RALGPS2: variants seen among roughly 807,000 people sequenced by gnomAD.
The protein encoded by RALGPS2 is ras-specific guanine nucleotide-releasing factor RalGPS2.
In RALGPS2, 43 loss-of-function variants were observed where a neutral mutation model predicts 86.8. The ratio of observed to expected loss-of-function variants is 0.50; its 90% CI spans 0.39 to 0.64. The LOEUF is 0.64. RALGPS2 is among the 30% of genes least tolerant of loss of function. The pLI, the probability that RALGPS2 is intolerant of heterozygous loss-of-function variation, is 0.00. For missense variants in RALGPS2, 536 were observed against 694.6 expected, an observed-to-expected ratio of 0.77 and a Z score of 2.57; for synonymous variants, 243 against 231.3, an observed-to-expected ratio of 1.05 and a Z score of -0.46.
At chr1:178,846,808 T>C (rs1361715696) in intron 8 of RALGPS2, among the ~76,000 whole-genome samples, 1 of 152,230 alleles carries the variant, frequency 6.6e-6, no homozygotes, top group Admixed American at 6.5e-5. Context: ...TGTTTTGTAA[T>C]TTTTTTAAGC....
intron 4 of RALGPS2, among the ~76,000 whole-genome samples, chr1:178,799,898 T>C (rs1654390207): frequency 6.6e-6 from 1 of 152,168 alleles, no homozygotes. Context: ...ACAATAAATT[T>C]CAGCTGGAGA....
intron 6 of RALGPS2, among the ~76,000 whole-genome samples, chr1:178,816,154 T>C (rs1655217447): frequency 6.6e-6 from 1 of 152,236 alleles, no homozygotes; most frequent in African/African-American, 2.4e-5. Flanking sequence ...AATATTGTTA[T>C]TTTCCAACAT....
chr1:178,880,582 C>G (rs1659203455), intron 10 of RALGPS2, among the ~76,000 whole-genome samples: 1 of 152,082 alleles, frequency 6.6e-6, no homozygotes, highest in Non-Finnish European at 1.5e-5. Context: ...CTATTTTTCC[C>G]TTCTCTCTAA....
intron 19 of RALGPS2, among the ~76,000 whole-genome samples, chr1:178,909,295 C>T (rs1383827043): frequency 6.6e-6 from 1 of 152,104 alleles, no homozygotes; most frequent in African/African-American, 2.4e-5. Flanking sequence ...TGTACCAGTA[C>T]CATGCTATTT....
chr1:178,880,274 G>T (rs983004428), intron 10 of RALGPS2, among the ~76,000 whole-genome samples: 1 of 152,154 alleles, frequency 6.6e-6, no homozygotes, highest in African/African-American at 2.4e-5. Flanking sequence ...TTGTAGAACA[G>T]AATTAGTCCC....
chr1:178,783,549 A>G (rs1040057041), intron 2 of RALGPS2, among the ~76,000 whole-genome samples: 3 of 152,204 alleles, frequency 2.0e-5, no homozygotes, highest in Admixed American at 6.5e-5. Flanking sequence ...AAAAGGGAGG[A>G]AAAGCAAAAA....
chr1:178,813,052 C>G (rs1655060469), intron 6 of RALGPS2, among the ~76,000 whole-genome samples: 1 of 150,902 alleles, frequency 6.6e-6, no homozygotes, highest in African/African-American at 2.4e-5. Context: ...CACATCTCAG[C>G]TTCCCAAGTA....
At chr1:178,884,652 A>T (rs1354085729) in intron 11 of RALGPS2, among the ~76,000 whole-genome samples, 1 of 151,612 alleles carries the variant, frequency 6.6e-6, no homozygotes, top group Non-Finnish European at 1.5e-5. Flanking sequence ...TGTAGATTTA[A>T]TTTCTGATTT....
Position 178,821,662 on chromosome 1 carries a change from C to T in RALGPS2, c.438C>T (p.Gly146=). Residue 146 remains glycine (G), a synonymous_variant, in exon 7 of 20, where the codon GGC becomes GGT. Coordinates refer to ENST00000367635, the MANE Select transcript of RALGPS2 (RefSeq NM_152663.5). ...NLHALMAVVS[G]LQSAPIFRLT... ...ATGCACTTATGGCAGTGGTTTCTGG[C>T]CTACAGAGTGCCCCAATTTTCAGGT... The T allele has an allele frequency of 1.9e-6, 3 of 1,613,452 alleles. No homozygotes were observed. Among genetic ancestry groups the T allele is most frequent in the Non-Finnish European group, 2.5e-6 (3 of 1,179,690 alleles).
chr1:178,847,197 G>A (rs557685941), intron 8 of RALGPS2, among the ~76,000 whole-genome samples: 10 of 152,322 alleles, frequency 6.6e-5, no homozygotes, highest in African/African-American at 2.2e-4. Context: ...TGTAATCCCA[G>A]CACTTTGGGA....
chr1:178,877,716 T>C, intron 9 of RALGPS2, 81 bp downstream of exon 9: 1 of 1,513,670 alleles, frequency 6.6e-7, no homozygotes, highest in Admixed American at 1.8e-5. Flanking sequence ...TGATCACTTT[T>C]CACACAGCAG....
intron 4 of RALGPS2, among the ~76,000 whole-genome samples, chr1:178,786,297 A>G (rs543016932): frequency 2.6e-5 from 4 of 152,168 alleles, no homozygotes; most frequent in Admixed American, 6.5e-5. Context: ...TGATTTACCT[A>G]TTGCTTTGAA....
intron 1 of RALGPS2, among the ~76,000 whole-genome samples, chr1:178,767,695 A>G (rs900017476): frequency 6.6e-6 from 1 of 152,154 alleles, no homozygotes; most frequent in Non-Finnish European, 1.5e-5. Flanking sequence ...CTGTCTGGCT[A>G]CAAGAGGCCA....
chr1:178,752,966 A>G (rs1651762348), intron 1 of RALGPS2, among the ~76,000 whole-genome samples: 2 of 152,130 alleles, frequency 1.3e-5, no homozygotes, highest in Non-Finnish European at 2.9e-5. Context: ...CTGCCTTTTC[A>G]TTGTGTACAG....
intron 1 of RALGPS2, among the ~76,000 whole-genome samples, chr1:178,727,527 A>T (rs1262178284): frequency 6.6e-6 from 1 of 152,246 alleles, no homozygotes; most frequent in Admixed American, 6.5e-5. Context: ...TTTATTAGTA[A>T]TACTAGAAAG....
At position 178,883,662 on chromosome 1, in the gene RALGPS2, C is replaced by A. The variant is rs1659354307; in HGVS notation, c.904+129C>A. 6 of 762,600 alleles carry A rather than the reference C, an allele frequency of 7.9e-6. No individual in the cohort carries two copies. In the Admixed American group the frequency reaches 1.8e-4, roughly 23 times the overall value. 47.2% of individuals were successfully genotyped at this position (762,600 alleles called of 1,614,324 possible). On this transcript the variant is annotated intron_variant, in intron 11 of 19. Transcript: ENST00000367635. The stretch of plus-strand genomic sequence containing the variant: ...GTAAAATTTATTTTGATATTAAAAT[C>A]TGTCCTTTCTGGGTTTTTTGGTTTT...
chr1:178,828,531 C>T (rs1313383279), intron 7 of RALGPS2, among the ~76,000 whole-genome samples: 4 of 152,130 alleles, frequency 2.6e-5, no homozygotes, highest in African/African-American at 7.2e-5. Flanking sequence ...ACTGACATGT[C>T]GTTTTGCAGC....
At chr1:178,847,620 T>C (rs977481192) in intron 8 of RALGPS2, among the ~76,000 whole-genome samples, 3 of 152,188 alleles carry the variant, frequency 2.0e-5, no homozygotes, top group African/African-American at 7.2e-5. Context: ...TTTAACTTAC[T>C]ACAAAGATTA....
At chr1:178,870,664 G>A (rs1013745142) in intron 8 of RALGPS2, 10 of 152,086 alleles carry the variant, frequency 6.6e-5, no homozygotes, top group African/African-American at 2.4e-4. Flanking sequence ...AAAAGATTCT[G>A]AAATTTCTAC....
Sources: gnomAD v4.1 joint callset for allele counts (sites outside exome capture counted in the v4.1 genomes callset) on GRCh38, gnomAD v4.1.1 for gene constraint, MANE v1.5 for transcripts, NCBI Gene and HGNC (gene_info 2026-07-23, HGNC 2026-07-21) for gene names.